GPR158: variants seen among roughly 807,000 people sequenced by gnomAD.
GPR158 encodes the protein G protein-coupled receptor 158.
Under a neutral mutation model 78.2 loss-of-function variants are expected in GPR158, and 30 were observed. That is an observed-to-expected ratio of 0.38 (90% CI 0.29 to 0.52). The LOEUF (loss-of-function observed/expected upper bound fraction) is 0.52. GPR158 is among the 20% of genes least tolerant of loss of function. The probability of loss-of-function intolerance (pLI) is 0.83; values close to 1 mark genes in which losing one functional copy is unlikely to be tolerated. For synonymous variants in GPR158, 581 were observed against 591.1 expected (o/e 0.98, Z 0.25); for missense variants, 1,463 against 1,523.5 (o/e 0.96, Z 0.66).
intron 5 of GPR158, among the ~76,000 whole-genome samples, chr10:25,517,106 C>G (rs1836187632): frequency 2.0e-5 from 3 of 148,840 alleles, no homozygotes; most frequent in Admixed American, 2.0e-4. Context: ...AAGTTGGATT[C>G]CTAGGTATTT....
chr10:25,466,606 T>G, intron 4 of GPR158, 45 bp from the exon 5 acceptor site: 1 of 1,278,304 alleles, frequency 7.8e-7, no homozygotes, highest in Non-Finnish European at 1.1e-6. Flanking sequence ...TTCTCCAGGC[T>G]TAGAAATGTA....
At chr10:25,431,174 C>A (rs1385174789) in intron 4 of GPR158, among the ~76,000 whole-genome samples, 17 of 63,276 alleles carry the variant, frequency 2.7e-4, no homozygotes, top group Non-Finnish European at 2.8e-4. Flanking sequence ...AAGAAAAAAA[C>A]AACCCCATCA....
chr10:25,561,503 T>C (rs2130721749), intron 6 of GPR158, among the ~76,000 whole-genome samples: 1 of 152,338 alleles, frequency 6.6e-6, no homozygotes, highest in African/African-American at 2.4e-5. Context: ...AATATCTTTC[T>C]GTAGTAAGCT....
At position 25,319,723 on chromosome 10, in the gene GPR158, T is replaced by C. The variant is rs1186848110; in HGVS notation, c.1009-76188T>C. Reference sequence around the variant, plus strand: ...TAATCACATCGGCGACATCGTTCTTTATGTAAAACACTGAGAGTTTTTACT... The same window carrying C: ...TAATCACATCGGCGACATCGTTCTTCATGTAAAACACTGAGAGTTTTTACT... On this transcript the variant is annotated intron_variant, in intron 2 of 10. Coordinates refer to ENST00000376351, the MANE Select transcript of GPR158 (RefSeq NM_020752.3). Among the ~76,000 whole-genome samples, 5 of 152,302 alleles carry C rather than the reference T, an allele frequency of 3.3e-5. No individual in the cohort carries two copies. In the East Asian group the frequency reaches 9.7e-4, roughly 29 times the overall value.
intron 5 of GPR158, among the ~76,000 whole-genome samples, chr10:25,469,014 G>T (rs1403391612): frequency 1.3e-5 from 2 of 152,186 alleles, no homozygotes; most frequent in Non-Finnish European, 2.9e-5. Flanking sequence ...GTAGGTGTAA[G>T]AGAAGGAAAG....
At chr10:25,186,301 CAATT>C (rs1185188475) in intron 1 of GPR158, among the ~76,000 whole-genome samples, 2 of 152,042 alleles carry the variant, frequency 1.3e-5, no homozygotes, top group Non-Finnish European at 2.9e-5. Context: ...CCTAACATCA[CAATT>C]AAAAGAACTA....
At chr10:25,585,359 GA>G (rs1837253782) in intron 7 of GPR158, among the ~76,000 whole-genome samples, 1 of 152,130 alleles carries the variant, frequency 6.6e-6, no homozygotes, top group Non-Finnish European at 1.5e-5. Context: ...GGCAAAGGGA[GA>G]AAAAAACTGA....
intron 5 of GPR158, among the ~76,000 whole-genome samples, chr10:25,522,846 A>T (rs1374153751): frequency 2.0e-5 from 3 of 152,168 alleles, no homozygotes; most frequent in Non-Finnish European, 4.4e-5. Flanking sequence ...CAGTTTTTTA[A>T]AGACCCATAG....
intron 4 of GPR158, among the ~76,000 whole-genome samples, chr10:25,414,969 A>T (rs997232463): frequency 6.6e-6 from 1 of 152,130 alleles, no homozygotes; most frequent in Non-Finnish European, 1.5e-5. Context: ...TTAGCCTTTT[A>T]TTGTCTAGCT....
chr10:25,322,528 T>A (rs1295096050), intron 2 of GPR158, among the ~76,000 whole-genome samples: 2 of 152,260 alleles, frequency 1.3e-5, no homozygotes, highest in Non-Finnish European at 2.9e-5. Flanking sequence ...ACTGATGATA[T>A]TTTGACTTTC....
chr10:25,331,607 C>G (rs912462543), intron 2 of GPR158, among the ~76,000 whole-genome samples: 1 of 152,186 alleles, frequency 6.6e-6, no homozygotes, highest in Non-Finnish European at 1.5e-5. Context: ...TAAGGAATAA[C>G]TTAACCTTAA....
chr10:25,353,630 T>A (rs1171464035), intron 2 of GPR158, among the ~76,000 whole-genome samples: 1 of 152,234 alleles, frequency 6.6e-6, no homozygotes, highest in African/African-American at 2.4e-5. Context: ...AATCACAGAA[T>A]TTTCCTCTGC....
At chr10:25,526,532 T>TA in intron 5 of GPR158, among the ~76,000 whole-genome samples, 1 of 152,180 alleles carries the variant, frequency 6.6e-6, no homozygotes, top group East Asian at 1.9e-4. Flanking sequence ...AACTGTACAG[T>TA]AATTTGGATA....
chr10:25,374,263 A>G lies in GPR158; in HGVS notation c.1009-21648A>G, dbSNP rs377582144. On this transcript the variant is annotated intron_variant, in intron 2 of 10. Coordinates refer to ENST00000376351, the MANE Select transcript of GPR158 (RefSeq NM_020752.3). ...TATATAATATGTAGTTTTTTTTATA[A>G]TAATTATCAATTCATGGAAAGTTGC... Among the ~76,000 whole-genome samples, 7 of 151,464 alleles carry G rather than the reference A, an allele frequency of 4.6e-5. No individual in the cohort carries two copies. In the East Asian group the frequency reaches 1.4e-3, roughly 29 times the overall value.
intron 2 of GPR158, among the ~76,000 whole-genome samples, chr10:25,283,731 T>C (rs928692727): frequency 1.3e-5 from 2 of 152,030 alleles, no homozygotes; most frequent in African/African-American, 4.8e-5. Flanking sequence ...TTTTCTAATA[T>C]AAATAATCTA....
At chr10:25,450,249 C>T (rs2077252096) in intron 4 of GPR158, among the ~76,000 whole-genome samples, 1 of 151,964 alleles carries the variant, frequency 6.6e-6, no homozygotes, top group African/African-American at 2.4e-5. Flanking sequence ...TAAAACATGA[C>T]CAGGTTGACA....
intron 2 of GPR158, among the ~76,000 whole-genome samples, chr10:25,382,814 A>AT (rs1312679370): frequency 6.6e-6 from 1 of 151,932 alleles, no homozygotes; most frequent in Non-Finnish European, 1.5e-5. Flanking sequence ...TCATTCATTT[A>AT]TTTATTTTAT....
At chr10:25,381,140 G>A (rs1455691078) in intron 2 of GPR158, among the ~76,000 whole-genome samples, 1 of 152,164 alleles carries the variant, frequency 6.6e-6, no homozygotes, top group Non-Finnish European at 1.5e-5. Context: ...GAATATTTGA[G>A]AATGGGAAGT....
At chr10:25,528,303 A>G (rs1028762155) in intron 5 of GPR158, among the ~76,000 whole-genome samples, 1 of 151,978 alleles carries the variant, frequency 6.6e-6, no homozygotes, top group Non-Finnish European at 1.5e-5. Context: ...ATTCCTTAAC[A>G]AAGTATTAGA....
Sources: gnomAD v4.1 joint callset for allele counts (sites outside exome capture counted in the v4.1 genomes callset) on GRCh38, gnomAD v4.1.1 for gene constraint, MANE v1.5 for transcripts, NCBI Gene and HGNC (gene_info 2026-07-23, HGNC 2026-07-21) for gene names.